The following DENND4A variants were observed in gnomAD, a reference collection of about 807,000 sequenced individuals.
DENND4A encodes C-myc promoter-binding protein.
A neutral mutation model predicts 199.3 loss-of-function variants in DENND4A; 70 were observed. That is an observed-to-expected ratio of 0.35 (90% CI 0.29 to 0.43). DENND4A has a LOEUF of 0.43. Ranked by LOEUF, DENND4A falls within the 20% of genes least tolerant of loss-of-function variation. The pLI, the probability that DENND4A is intolerant of heterozygous loss-of-function variation, is 1.00. For synonymous variants in DENND4A, 686 were observed against 766.9 expected (o/e 0.89, Z 1.74); for missense variants, 1,723 against 2,255.8 (o/e 0.76, Z 4.78).
At chr15:65,716,132 G>A (rs757188495) in intron 13 of DENND4A, among the ~76,000 whole-genome samples, 1 of 151,978 alleles carries the variant, frequency 6.6e-6, no homozygotes, top group Non-Finnish European at 1.5e-5. Context: ...TCAGGCCCAG[G>A]AATTCAAGCT....
chr15:65,727,707 T>G, intron 11 of DENND4A: 1 of 199,658 alleles, frequency 5.0e-6, no homozygotes, highest in Non-Finnish European at 1.0e-5. Context: ...TTAGACTAAA[T>G]CATAGTTATT....
chr15:65,750,978 G>A (rs1367825104), intron 4 of DENND4A, among the ~76,000 whole-genome samples: 1 of 151,930 alleles, frequency 6.6e-6, no homozygotes, highest in African/African-American at 2.4e-5. Context: ...TTTGGCCCAA[G>A]GTCTGTTCTT....
At chr15:65,763,367 AG>A (rs2076901324) in intron 1 of DENND4A, among the ~76,000 whole-genome samples, 2 of 152,290 alleles carry the variant, frequency 1.3e-5, no homozygotes, top group South Asian at 2.1e-4. Flanking sequence ...GTGGAAGAGA[AG>A]GGGGTAAGGG....
intron 15 of DENND4A, chr15:65,705,881 C>G: frequency 2.1e-6 from 1 of 486,024 alleles, no homozygotes; most frequent in Non-Finnish European, 2.7e-6. Flanking sequence ...CATTAGAGAG[C>G]TTCCCAAGTC....
rs979902749 is a variant in DENND4A, at chr15:65,696,309, C to CT, written c.3082+56dup. On this transcript the variant is annotated intron_variant, in intron 22 of 32. Coordinates refer to ENST00000443035, the MANE Select transcript of DENND4A (RefSeq NM_001320835.1). Reference sequence around the variant, plus strand: ...AGACTATTAAAAAAATAAGTATTCACTAGTCATACAGATACAATTTATTCC... The same window carrying CT: ...AGACTATTAAAAAAATAAGTATTCACTTAGTCATACAGATACAATTTATTCC... 59 of 1,553,384 alleles carry CT rather than the reference C, an allele frequency of 3.8e-5. No homozygotes were observed. The African/African-American group carries it at 7.6e-4, about 20-fold the overall frequency.
intron 1 of DENND4A, chr15:65,771,989 A>C: frequency 6.6e-7 from 1 of 1,504,510 alleles, no homozygotes; most frequent in Non-Finnish European, 9.2e-7. Context: ...ACTTCATAGT[A>C]ATTTTTATAT....
intron 21 of DENND4A, 188 bp downstream of exon 21, chr15:65,697,079 G>T: frequency 1.9e-6 from 1 of 517,194 alleles, no homozygotes; most frequent in Non-Finnish European, 3.4e-6. Flanking sequence ...TTGCCACTGA[G>T]GCTATATACT....
rs546710035 is a variant in DENND4A at position 65,742,487 on chromosome 15, G to A, written c.562-703C>T. Among the ~76,000 whole-genome samples, 119 of 149,962 alleles carry A rather than the reference G, an allele frequency of 7.9e-4. 1 individual carries two copies. In the South Asian group the frequency reaches 0.022, roughly 28 times the overall value. On this transcript the variant is annotated intron_variant, in intron 4 of 32. Transcript: ENST00000443035. ...TTTTTTGAGATAGAGTCGCAATGGT[G>A]CAATCTCAGCTCACTGCAACCTCCG...
At chr15:65,721,670 C>T (rs2075650483) in intron 12 of DENND4A, among the ~76,000 whole-genome samples, 1 of 151,606 alleles carries the variant, frequency 6.6e-6, no homozygotes, top group African/African-American at 2.4e-5. Context: ...GGCATGATCA[C>T]GGCTCACTGC....
chr15:65,663,217 T>TTTTTA (rs2075926469), intron 32 of DENND4A, among the ~76,000 whole-genome samples: 1 of 145,204 alleles, frequency 6.9e-6, no homozygotes, highest in African/African-American at 2.6e-5. Context: ...TTTTTATTTT[T>TTTTTA]TTTTTTGGTT....
At chr15:65,779,535 G>C (rs1175005066) in intron 1 of DENND4A, among the ~76,000 whole-genome samples, 1 of 152,076 alleles carries the variant, frequency 6.6e-6, no homozygotes, top group African/African-American at 2.4e-5. Flanking sequence ...CTGTTGCTGA[G>C]GCTGGGGTGT....
At chr15:65,725,694 A>AT (rs71447858) in intron 11 of DENND4A, among the ~76,000 whole-genome samples, 4 of 151,264 alleles carry the variant, frequency 2.6e-5, no homozygotes, top group African/African-American at 7.3e-5. Context: ...AAAAATAAAA[A>AT]AAATAAAAAA....
At chr15:65,739,240 T>C (rs1446512505) in intron 5 of DENND4A, among the ~76,000 whole-genome samples, 1 of 152,132 alleles carries the variant, frequency 6.6e-6, no homozygotes, top group Non-Finnish European at 1.5e-5. Flanking sequence ...TTTTCATCTA[T>C]CTACTTCATC....
rs2075800926 is a variant in DENND4A, at chr15:65,659,821, T to C, written c.*2030A>G. 2 of 153,482 alleles carry C rather than the reference T, an allele frequency of 1.3e-5. No individual in the cohort carries two copies. Among genetic ancestry groups the C allele is most frequent in the Admixed American group, 1.3e-4 (2 of 15,528 alleles). 9.5% of individuals were successfully genotyped at this position (153,482 alleles called of 1,614,324 possible). ...GTGGAAAGAGGAGGTAAAAATTACA[T>C]TCGCTTTTCCAAATGAGTCTGAATC... On this transcript the variant is annotated 3_prime_UTR_variant, in exon 33 of 33. Coordinates refer to ENST00000443035, the MANE Select transcript of DENND4A (RefSeq NM_001320835.1).
At chr15:65,663,894 C>T (rs1202846389) in intron 32 of DENND4A, among the ~76,000 whole-genome samples, 2 of 152,016 alleles carry the variant, frequency 1.3e-5, no homozygotes. Context: ...TCAAGCGATC[C>T]ACCCACCTTG....
intron 11 of DENND4A, among the ~76,000 whole-genome samples, chr15:65,728,785 G>A (rs375129978): frequency 6.6e-6 from 1 of 152,004 alleles, no homozygotes; most frequent in East Asian, 1.9e-4. Flanking sequence ...CACCGCGCCC[G>A]GCCCCCTTTG....
chr15:65,715,790 A>G (rs975805190), intron 13 of DENND4A, among the ~76,000 whole-genome samples, 167 bp from the exon 14 acceptor site: 1 of 152,200 alleles, frequency 6.6e-6, no homozygotes, highest in Non-Finnish European at 1.5e-5. Flanking sequence ...ATAGGAGAAT[A>G]GTAATAAAGG....
At chr15:65,752,085 T>C (rs72741261) in intron 4 of DENND4A, among the ~76,000 whole-genome samples, 4,756 of 117,736 alleles carry the variant, frequency 0.04, 125 homozygotes, top group Middle Eastern at 0.094. Context: ...AGGTGTGGGA[T>C]CTAGTCACAA....
chr15:65,762,509 G>A (rs1158106513), intron 1 of DENND4A, among the ~76,000 whole-genome samples: 1 of 151,882 alleles, frequency 6.6e-6, no homozygotes, highest in Non-Finnish European at 1.5e-5. Context: ...CGTGCCTGTA[G>A]TCTCAGCTAC....
Sources: gnomAD v4.1 joint callset for allele counts (sites outside exome capture counted in the v4.1 genomes callset) on GRCh38, gnomAD v4.1.1 for gene constraint, MANE v1.5 for transcripts, NCBI Gene and HGNC (gene_info 2026-07-23, HGNC 2026-07-21) for gene names.